The following TSPAN18 variants were observed in gnomAD, a reference collection of about 807,000 sequenced individuals.
The protein encoded by TSPAN18 is tetraspanin-18.
TSPAN18 carries 14 observed loss-of-function variants against 27.3 expected under a neutral mutation model. That is an observed-to-expected ratio of 0.51 (90% CI 0.34 to 0.80). TSPAN18 has a LOEUF of 0.80. Among genes scored for constraint, TSPAN18 ranks in the 30% least tolerant of loss-of-function variants. The pLI, the probability that TSPAN18 is intolerant of heterozygous loss-of-function variation, is 0.01. For synonymous variants in TSPAN18, 143 were observed against 136.5 expected (o/e 1.05, Z -0.33); for missense variants, 268 against 323.9 (o/e 0.83, Z 1.32).
intron 2 of TSPAN18, among the ~76,000 whole-genome samples, chr11:44,775,851 A>AT (rs1029371005): frequency 2.6e-5 from 4 of 152,188 alleles, no homozygotes; most frequent in African/African-American, 2.4e-5. Context: ...GTGGCAGACG[A>AT]TTTTTTTATA....
At chr11:44,822,805 T>A (rs1856954407) in intron 2 of TSPAN18, among the ~76,000 whole-genome samples, 1 of 152,104 alleles carries the variant, frequency 6.6e-6, no homozygotes, top group Non-Finnish European at 1.5e-5. Flanking sequence ...ACAAATGACA[T>A]AAATCATTGA....
intron 2 of TSPAN18, among the ~76,000 whole-genome samples, chr11:44,802,501 A>G (rs964245927): frequency 1.3e-5 from 2 of 152,066 alleles, no homozygotes; most frequent in African/African-American, 4.8e-5. Context: ...TGGAGAATGG[A>G]TTATTGGAGC....
At position 44,931,815 on chromosome 11, in the gene TSPAN18, T is replaced by C. The variant is rs1860572155; in HGVS notation, c.*2637T>C. The C allele has an allele frequency of 6.6e-6, 1 of 151,914 alleles. No individual in the cohort carries two copies. Among genetic ancestry groups the C allele is most frequent in the African/African-American group, 2.4e-5 (1 of 41,352 alleles). 9.4% of individuals were successfully genotyped at this position (151,914 alleles called of 1,614,324 possible). ...CAGCAGGTTCTGGTGGTGGCTGGGG[T>C]TGTGGGGGAGGGGTGGGCAGGGATA... On this transcript the variant is annotated 3_prime_UTR_variant, in exon 10 of 10. Coordinates refer to ENST00000520358, the MANE Select transcript of TSPAN18 (RefSeq NM_130783.5).
At chr11:44,911,934 C>G (rs1311050427) in intron 5 of TSPAN18, among the ~76,000 whole-genome samples, 1 of 144,956 alleles carries the variant, frequency 6.9e-6, no homozygotes, top group Non-Finnish European at 1.5e-5. Context: ...CCCTTCCCCT[C>G]CCCACCCCCG....
Position 44,930,915 on chromosome 11 carries a change from A to T in TSPAN18, c.*1737A>T, listed in dbSNP as rs778083420. The T allele has an allele frequency of 5.7e-6, 3 of 525,146 alleles. No individual in the cohort carries two copies. The Admixed American group carries it at 6.0e-5, about 10-fold the overall frequency. The allele number at this position is 525,146 out of a possible 1,614,324, so 32.5% of individuals were successfully genotyped here. On this transcript the variant is annotated 3_prime_UTR_variant, in exon 10 of 10. Coordinates refer to ENST00000520358, the MANE Select transcript of TSPAN18 (RefSeq NM_130783.5). ...CCACCGGCATCCTGTATCAGCTTCC[A>T]GCCTCCCCTCAGGCTTTCCAGTCAC...
At chr11:44,829,226 T>TAAGA (rs1418381191) in intron 2 of TSPAN18, among the ~76,000 whole-genome samples, 2 of 152,184 alleles carry the variant, frequency 1.3e-5, no homozygotes, top group Non-Finnish European at 2.9e-5. Flanking sequence ...GGTCCCTCTT[T>TAAGA]GCATTGTACA....
chr11:44,890,757 A>G (rs979514402), intron 3 of TSPAN18, among the ~76,000 whole-genome samples: 15 of 151,996 alleles, frequency 9.9e-5, no homozygotes, highest in Middle Eastern at 3.4e-3. Flanking sequence ...AAAAAAAAAA[A>G]AAAAAATTTG....
intron 2 of TSPAN18, among the ~76,000 whole-genome samples, chr11:44,772,932 C>A (rs1855721678): frequency 6.6e-6 from 1 of 151,938 alleles, no homozygotes; most frequent in African/African-American, 2.4e-5. Flanking sequence ...GCTGGGATTA[C>A]AGGCGTGAGC....
At chr11:44,733,190 C>T (rs1201449976) in intron 1 of TSPAN18, among the ~76,000 whole-genome samples, 1 of 152,200 alleles carries the variant, frequency 6.6e-6, no homozygotes, top group Admixed American at 6.5e-5. Context: ...CACTAAGTCT[C>T]TGCATTTACA....
intron 5 of TSPAN18, among the ~76,000 whole-genome samples, chr11:44,916,125 G>A (rs927142047): frequency 3.9e-5 from 6 of 152,218 alleles, no homozygotes; most frequent in Non-Finnish European, 5.9e-5. Flanking sequence ...GCCAGGCCTC[G>A]GAGATGTTTT....
intron 2 of TSPAN18, among the ~76,000 whole-genome samples, chr11:44,817,538 G>A (rs1208590737): frequency 6.6e-6 from 1 of 152,208 alleles, no homozygotes; most frequent in Non-Finnish European, 1.5e-5. Flanking sequence ...AGGGGCAGTG[G>A]CTACTGAGAT....
chr11:44,924,332 T>C (rs1860265456), intron 8 of TSPAN18, among the ~76,000 whole-genome samples: 1 of 152,082 alleles, frequency 6.6e-6, no homozygotes, highest in Non-Finnish European at 1.5e-5. Flanking sequence ...TCCCATGAGG[T>C]AATCTACATG....
rs148562544 is a variant in TSPAN18 at position 44,909,874 on chromosome 11, G to A, written c.233G>A (p.Arg78His). The change falls in exon 5 of 10, where the codon CGT (arginine) becomes CAT (histidine). Residue 78 changes from arginine to histidine, a missense_variant. Arg to His is a conservative substitution (Grantham distance 29). Coordinates refer to ENST00000520358, the MANE Select transcript of TSPAN18 (RefSeq NM_130783.5). ...LGFLGCCGAV[R>H]ENKCLLLFFF... Reference sequence around the variant, plus strand: ...TTCCTGGGCTGCTGCGGGGCCGTCCGTGAGAACAAGTGTCTGCTGCTATTT... The same window carrying A: ...TTCCTGGGCTGCTGCGGGGCCGTCCATGAGAACAAGTGTCTGCTGCTATTT... The A allele has an allele frequency of 2.2e-4, 360 of 1,613,250 alleles. 2 individuals are homozygous for A. Among genetic ancestry groups the A allele is most frequent in the South Asian group, 1.5e-3 (133 of 90,994 alleles).
intron 2 of TSPAN18, among the ~76,000 whole-genome samples, chr11:44,790,566 G>GCA (rs1856192033): frequency 5.6e-5 from 8 of 143,074 alleles, no homozygotes; most frequent in Non-Finnish European, 1.1e-4. Context: ...ATGTGTTCGT[G>GCA]TGTGTGTGCA....
intron 3 of TSPAN18, among the ~76,000 whole-genome samples, chr11:44,864,163 T>C (rs967583773): frequency 5.3e-5 from 8 of 151,918 alleles, no homozygotes; most frequent in Non-Finnish European, 2.9e-5. Flanking sequence ...GGCATTCGCC[T>C]GTAGTCCCAG....
chr11:44,895,546 A>G (rs1413888776), intron 3 of TSPAN18, among the ~76,000 whole-genome samples: 1 of 152,216 alleles, frequency 6.6e-6, no homozygotes, highest in African/African-American at 2.4e-5. Flanking sequence ...GCCAGTCAAT[A>G]GGATGGGGGC....
In TSPAN18 at chr11:44,764,443, C is replaced by CAG. The variant is rs1470124096; in HGVS notation, c.-222_-221insAG. On this transcript the variant is annotated 5_prime_UTR_variant, in exon 2 of 10. Coordinates refer to ENST00000520358, the MANE Select transcript of TSPAN18 (RefSeq NM_130783.5). ...TTCTCTAGAGTGTATCCAGAAGCTA[C>CAG]TGTCAGGAGGACACTGTAAGAGAAC... The CAG allele has an allele frequency of 1.3e-5, 2 of 152,248 alleles. No homozygotes were observed. The highest frequency in any genetic ancestry group is 2.9e-5 in the Non-Finnish European group (2 of 68,068). The allele number at this position is 152,248 out of a possible 1,614,324, so 9.4% of individuals were successfully genotyped here.
rs1443416793 is a variant in TSPAN18 at position 44,892,156 on chromosome 11, C to T, written c.-10-14251C>T. Among the ~76,000 whole-genome samples, 4 of 152,180 alleles carry T rather than the reference C, an allele frequency of 2.6e-5. No homozygotes were observed. The East Asian group carries it at 7.7e-4, about 29-fold the overall frequency. On this transcript the variant is annotated intron_variant, in intron 3 of 9. Transcript: ENST00000520358. ...ATCCCCTGGTGCTTATACCATCTCC[C>T]AGAACTGGGGTTTCCCTGCCACACC... is the stretch of plus-strand genomic sequence containing the variant.
intron 1 of TSPAN18, among the ~76,000 whole-genome samples, chr11:44,757,000 A>G (rs1242916153): frequency 2.0e-5 from 3 of 152,132 alleles, no homozygotes; most frequent in Non-Finnish European, 2.9e-5. Flanking sequence ...TGGGTTTTTC[A>G]TATATGACTT....
Sources: gnomAD v4.1 joint callset for allele counts (sites outside exome capture counted in the v4.1 genomes callset) on GRCh38, gnomAD v4.1.1 for gene constraint, MANE v1.5 for transcripts, NCBI Gene and HGNC (gene_info 2026-07-23, HGNC 2026-07-21) for gene names.